The following NUDC variants were observed in gnomAD, a reference collection of about 807,000 sequenced individuals.
NUDC encodes nuclear migration protein nudC.
A neutral mutation model predicts 45.0 loss-of-function variants in NUDC; 14 were observed. The ratio of observed to expected loss-of-function variants is 0.31; its 90% confidence interval spans 0.21 to 0.49. The LOEUF is 0.49. Among genes scored for constraint, NUDC ranks in the 20% least tolerant of loss-of-function variants. The pLI is 0.99. For missense variants in NUDC, 323 were observed against 426.2 expected (o/e 0.76, Z 2.13); for synonymous variants, 153 against 156.7 (o/e 0.98, Z 0.17).
chr1:26,906,466 C>A (rs900972784), intron 2 of NUDC, among the ~76,000 whole-genome samples: 2 of 151,932 alleles, frequency 1.3e-5, no homozygotes, highest in African/African-American at 4.8e-5. Flanking sequence ...AAAGATAAAG[C>A]GGTTGGAGAT....
chr1:26,936,163 A>T (rs1461318002), intron 2 of NUDC, among the ~76,000 whole-genome samples: 1 of 15,244 alleles, frequency 6.6e-5, no homozygotes, highest in African/African-American at 3.2e-4. Context: ...ATATATATAT[A>T]TATTTTTTTT....
At chr1:26,910,168 G>T (rs1478496883) in intron 2 of NUDC, among the ~76,000 whole-genome samples, 2 of 152,184 alleles carry the variant, frequency 1.3e-5, no homozygotes, top group African/African-American at 4.8e-5. Context: ...TGCTTCTGCT[G>T]TGTGACTGTG....
chr1:26,911,941 G>T, intron 3 of NUDC: 1 of 1,614,250 alleles, frequency 6.2e-7, no homozygotes, highest in South Asian at 1.1e-5. Context: ...TGGTCGGAAT[G>T]GACTTGAGGG....
In NUDC at chr1:26,921,765, C is replaced by A; in HGVS notation, c.-84C>A. 7.0e-7 allele frequency: 1 copy of A among 1,425,006 alleles called. No individual in the cohort carries two copies. Among genetic ancestry groups the A allele is most frequent in the South Asian group, 1.2e-5 (1 of 81,396 alleles). 88.3% of individuals were successfully genotyped at this position (1,425,006 alleles called of 1,614,324 possible). A position where few individuals can be genotyped will look rare whatever the true frequency, so the allele number is the denominator to read the frequency against. On this transcript the variant is annotated 5_prime_UTR_variant, in exon 1 of 9. Coordinates refer to ENST00000321265, the MANE Select transcript of NUDC (RefSeq NM_006600.4). ...GCTGCGGAAGGCGGACGACTAGAGT[C>A]GTTGGGCCCGGCGCGACCCGCAGGA...
intron 2 of NUDC, among the ~76,000 whole-genome samples, chr1:26,932,618 G>A (rs1340315316): frequency 1.3e-5 from 2 of 152,030 alleles, no homozygotes; most frequent in African/African-American, 4.8e-5. Flanking sequence ...CCACTGTGCT[G>A]GCCCATGTTA....
chr1:26,928,176 T>G (rs894925632), intron 2 of NUDC, among the ~76,000 whole-genome samples: 1 of 152,148 alleles, frequency 6.6e-6, no homozygotes, highest in African/African-American at 2.4e-5. Flanking sequence ...TTATGAGGAT[T>G]TAATGTGTCT....
At chr1:26,911,060 C>T in intron 2 of NUDC, 2 of 462,510 alleles carry the variant, frequency 4.3e-6, no homozygotes, top group Admixed American at 2.4e-5. Context: ...AGTTGCCAGG[C>T]CAGCCCTGGG....
At chr1:26,919,648 A>G (rs2082079260), upstream of NUDC, among the ~76,000 whole-genome samples, 1 of 152,156 alleles carries the variant, frequency 6.6e-6, no homozygotes, top group African/African-American at 2.4e-5. Context: ...ACAATGACTT[A>G]ACTATACACA....
At chr1:26,937,775 C>T (rs1252791577) in intron 2 of NUDC, among the ~76,000 whole-genome samples, 1 of 151,962 alleles carries the variant, frequency 6.6e-6, no homozygotes, top group Non-Finnish European at 1.5e-5. Flanking sequence ...GCCTCAGTCT[C>T]TCGAGTAGCT....
intron 2 of NUDC, among the ~76,000 whole-genome samples, 158 bp from the exon 3 acceptor site, chr1:26,941,299 G>A (rs1396957581): frequency 2.6e-5 from 4 of 152,020 alleles, no homozygotes; most frequent in Non-Finnish European, 4.4e-5. Context: ...ACAACCCTAT[G>A]AGATAGATGT....
intron 3 of NUDC, chr1:26,911,796 C>T (rs2082028408): frequency 6.2e-7 from 1 of 1,612,562 alleles, no homozygotes; most frequent in East Asian, 2.2e-5. Context: ...CAGGCTGAAT[C>T]AGCACTGCCA....
intron 2 of NUDC, among the ~76,000 whole-genome samples, chr1:26,929,991 T>A (rs1036673178): frequency 6.6e-6 from 1 of 152,136 alleles, no homozygotes; most frequent in Non-Finnish European, 1.5e-5. Flanking sequence ...ACCACTGCAC[T>A]CTACCCTGGG....
chr1:26,903,750 C>T (rs565783685), intron 2 of NUDC, among the ~76,000 whole-genome samples: 1 of 152,108 alleles, frequency 6.6e-6, no homozygotes, highest in African/African-American at 2.4e-5. Flanking sequence ...GTGGCTCACA[C>T]CTGTAATTCC....
chr1:26,908,503 C>T (rs886230636), intron 2 of NUDC, among the ~76,000 whole-genome samples: 1 of 152,188 alleles, frequency 6.6e-6, no homozygotes, highest in African/African-American at 2.4e-5. Flanking sequence ...AGCTCCCCAA[C>T]CATGTGGATT....
At chr1:26,908,377 A>G (rs563929560) in intron 2 of NUDC, among the ~76,000 whole-genome samples, 152 of 152,162 alleles carry the variant, frequency 1.0e-3, no homozygotes, top group Non-Finnish European at 1.7e-3. Context: ...CCCTTACCAC[A>G]TTGTACCGTA....
At chr1:26,929,652 A>G (rs2082164426) in intron 2 of NUDC, 2 of 372,934 alleles carry the variant, frequency 5.4e-6, no homozygotes, top group African/African-American at 2.1e-5. Flanking sequence ...ATTGCATTCC[A>G]CTTACATATA....
At chr1:26,906,521 A>G (rs1241777629) in intron 2 of NUDC, among the ~76,000 whole-genome samples, 1 of 152,046 alleles carries the variant, frequency 6.6e-6, no homozygotes, top group East Asian at 1.9e-4. Flanking sequence ...GAAATACCAT[A>G]ATCCAGGAAA....
At chr1:26,917,812 G>A (rs2082069017), upstream of NUDC, among the ~76,000 whole-genome samples, 1 of 151,886 alleles carries the variant, frequency 6.6e-6, no homozygotes, top group South Asian at 2.1e-4. Context: ...CTTGAACCTG[G>A]GAAGCGGAAG....
At chr1:26,932,187 T>A (rs1183251217) in intron 2 of NUDC, among the ~76,000 whole-genome samples, 1 of 151,428 alleles carries the variant, frequency 6.6e-6, no homozygotes, top group Non-Finnish European at 1.5e-5. Context: ...TTTTTCTTTT[T>A]TTTTTTTGAG....
Sources: allele counts gnomAD v4.1 joint callset (sites outside exome capture counted in the v4.1 genomes callset), GRCh38; gene constraint gnomAD v4.1.1; transcripts MANE v1.5; gene names NCBI Gene and HGNC (gene_info 2026-07-23, HGNC 2026-07-21).